The following DENND2A variants were observed in gnomAD, a reference collection of about 807,000 sequenced individuals.
DENND2A encodes the protein DENN domain-containing protein 2A.
A neutral mutation model predicts 105.3 loss-of-function variants in DENND2A; 53 were observed. The observed-to-expected ratio is 0.50, with a 90% CI of 0.40 to 0.63. The LOEUF is 0.63. DENND2A is among the 30% of genes least tolerant of loss of function. The pLI, the probability that DENND2A is intolerant of heterozygous loss-of-function variation, is 0.00. For synonymous variants in DENND2A, 522 were observed against 508.4 expected, an observed-to-expected ratio of 1.03 and a Z score of -0.36; for missense variants, 1,138 against 1,279.6, an observed-to-expected ratio of 0.89 and a Z score of 1.69.
intron 1 of DENND2A, among the ~76,000 whole-genome samples, chr7:140,619,866 G>A (rs1239396938): frequency 6.6e-6 from 1 of 151,878 alleles, no homozygotes; most frequent in Non-Finnish European, 1.5e-5. Context: ...TGTATGGCAT[G>A]TGAATTATAT....
At chr7:140,562,873 A>G (rs1407163040) in intron 9 of DENND2A, among the ~76,000 whole-genome samples, 1 of 152,164 alleles carries the variant, frequency 6.6e-6, no homozygotes, top group Non-Finnish European at 1.5e-5. Context: ...TTTTCTATAT[A>G]ACAGTTCTCT....
At chr7:140,621,261 C>T (rs1800281162) in intron 1 of DENND2A, among the ~76,000 whole-genome samples, 1 of 152,142 alleles carries the variant, frequency 6.6e-6, no homozygotes, top group Admixed American at 6.5e-5. Context: ...TCTTGAACTC[C>T]TGGCCTCAAG....
chr7:140,578,253 G>A (rs1798390261), intron 5 of DENND2A, among the ~76,000 whole-genome samples: 1 of 152,150 alleles, frequency 6.6e-6, no homozygotes, highest in African/African-American at 2.4e-5. Context: ...TGGCAAGGAA[G>A]CTGTGTGCCC....
intron 9 of DENND2A, among the ~76,000 whole-genome samples, chr7:140,560,390 G>A (rs1474864169): frequency 6.6e-6 from 1 of 152,176 alleles, no homozygotes; most frequent in African/African-American, 2.4e-5. Flanking sequence ...GAAGTGATGT[G>A]TCCTGGTCAC....
rs1797518067 is a variant in DENND2A, at chr7:140,559,301, G to C, written c.1889+407C>G. Among the ~76,000 whole-genome samples the C allele has an allele frequency of 6.6e-6, 1 of 152,164 alleles. No homozygotes were observed. Among genetic ancestry groups the C allele is most frequent in the African/African-American group, 2.4e-5 (1 of 41,434 alleles). ...AGCCTACTGAGTTTGGCCAAATGCG[G>C]AAACATCTGATAATAAAAACACTGG... On this transcript the variant is annotated intron_variant, in intron 10 of 19. Transcript: ENST00000496613. This position sits in a 1 kb window ranked among gnomAD's most constrained non-coding sequence, Gnocchi z 4.1.
At chr7:140,578,575 T>C (rs1333462547) in intron 5 of DENND2A, among the ~76,000 whole-genome samples, 1 of 152,134 alleles carries the variant, frequency 6.6e-6, no homozygotes, top group Admixed American at 6.5e-5. Flanking sequence ...TCTCTAAATA[T>C]ATATACAGAG....
chr7:140,519,448 C>T lies in DENND2A; in HGVS notation c.2998+184G>A, dbSNP rs188768687. On this transcript the variant is annotated intron_variant, in intron 19 of 19. Coordinates refer to ENST00000496613, the MANE Select transcript of DENND2A (RefSeq NM_015689.5). Reference sequence around the variant, plus strand: ...AAAGGAGGTGCTGGGGGCAGCGTTTCCTTTGTTTTCTCTTTGGGGACAGAT... The same window carrying T: ...AAAGGAGGTGCTGGGGGCAGCGTTTTCTTTGTTTTCTCTTTGGGGACAGAT... Among the ~76,000 whole-genome samples, 3 of 152,290 alleles carry T rather than the reference C, an allele frequency of 2.0e-5. No homozygotes were observed. In the East Asian group the frequency reaches 5.8e-4, roughly 29 times the overall value.
Position 140,567,152 on chromosome 7 carries a change from C to T in DENND2A, c.1713G>A (p.Val571=). Residue 571 remains valine (V), a synonymous_variant, in exon 9 of 20, where the codon GTG becomes GTA. Transcript: ENST00000496613. The stretch of plus-strand genomic sequence containing the variant: ...CCCCGGCCTGCTTCTTGTGCAAAGA[C>T]ACAACCACAAAGTACTCGAAGAGCT... ...ERQLFEYFVV[V]SLHKKQAGAA... is the part of the protein sequence containing the mutation. The T allele has an allele frequency of 6.2e-7, 1 of 1,612,982 alleles. No homozygotes were observed. Among genetic ancestry groups the T allele is most frequent in the African/African-American group, 1.3e-5 (1 of 75,008 alleles).
chr7:140,550,176 T>C (rs561131486), intron 12 of DENND2A, among the ~76,000 whole-genome samples: 2 of 152,078 alleles, frequency 1.3e-5, no homozygotes, highest in Admixed American at 6.6e-5. Context: ...TGGGAAGCTA[T>C]TGTTTAATGG....
chr7:140,528,329 G>A (rs1796136276), intron 14 of DENND2A, among the ~76,000 whole-genome samples: 1 of 152,178 alleles, frequency 6.6e-6, no homozygotes, highest in Non-Finnish European at 1.5e-5. Flanking sequence ...TCTTTCAGCT[G>A]AGCATGAACA....
In DENND2A at chr7:140,587,731, T is replaced by C; in HGVS notation, c.1045A>G (p.Arg349Gly). Residue 349 changes from arginine (R) to glycine (G), a missense_variant, in exon 4 of 20, where the codon AGG (arginine) becomes GGG (glycine). Coordinates refer to ENST00000496613, the MANE Select transcript of DENND2A (RefSeq NM_015689.5). ...DLLQSSSESS[R>G]VDWYAQTKLG... ...TTAGTCTGCGCGTACCAGTCCACCC[T>C]GCTGCTCTCAGAGGAAGACTGCAGT... is the stretch of plus-strand genomic sequence containing the variant. The C allele has an allele frequency of 1.2e-6, 2 of 1,610,926 alleles. No individual in the cohort carries two copies. Among genetic ancestry groups the C allele is most frequent in the African/African-American group, 1.3e-5 (1 of 74,954 alleles).
In DENND2A at chr7:140,567,151, A is replaced by T. The variant is rs1585649619; in HGVS notation, c.1714T>A (p.Ser572Thr). Reference protein sequence around the residue: ...RQLFEYFVVVSLHKKQAGAAY... With the variant: ...RQLFEYFVVVTLHKKQAGAAY... ...GCCCCGGCCTGCTTCTTGTGCAAAGACACAACCACAAAGTACTCGAAGAGC... is the reference window on the plus strand; with the variant it reads ...GCCCCGGCCTGCTTCTTGTGCAAAGTCACAACCACAAAGTACTCGAAGAGC... Residue 572 changes from serine (S) to threonine (T), a missense_variant, in exon 9 of 20, where the codon TCT becomes ACT. Ser to Thr is a moderately conservative substitution (Grantham distance 58). Transcript: ENST00000496613. 1 of 1,612,868 alleles carries T rather than the reference A, an allele frequency of 6.2e-7. No individual in the cohort carries two copies. The highest frequency in any genetic ancestry group is 1.3e-5 in the African/African-American group (1 of 74,970).
intron 14 of DENND2A, among the ~76,000 whole-genome samples, chr7:140,534,210 G>A (rs1241117513): frequency 2.7e-5 from 4 of 148,650 alleles, no homozygotes; most frequent in Non-Finnish European, 5.9e-5. Flanking sequence ...TCAGCCTCCC[G>A]AGTTGCTGGG....
chr7:140,582,402 T>C (rs572187777), intron 5 of DENND2A, among the ~76,000 whole-genome samples: 1 of 152,326 alleles, frequency 6.6e-6, no homozygotes, highest in South Asian at 2.1e-4. Context: ...TTCTCTGCCA[T>C]GGGAAATGAA....
intron 1 of DENND2A, among the ~76,000 whole-genome samples, chr7:140,613,117 GA>G (rs1232971372): frequency 3.3e-4 from 46 of 140,738 alleles, no homozygotes; most frequent in South Asian, 6.7e-4. Context: ...TCTGTCTCAA[GA>G]AAAAAAAAAA....
chr7:140,577,091 GT>G (rs1798329241), intron 5 of DENND2A, among the ~76,000 whole-genome samples: 1 of 152,206 alleles, frequency 6.6e-6, no homozygotes, highest in Non-Finnish European at 1.5e-5. Context: ...ATCCTGATGT[GT>G]TCCAGGGCAC....
rs377367999 is a variant in DENND2A, at chr7:140,573,747, G to A, written c.1446+61C>T. The A allele has an allele frequency of 5.1e-6, 8 of 1,562,194 alleles. No homozygotes were observed. The African/African-American group carries it at 9.5e-5, about 19-fold the overall frequency. On this transcript the variant is annotated intron_variant, in intron 6 of 19. Transcript: ENST00000496613. ...TATTCTCCACCCAGACCCCTCTGCA[G>A]TCTTCTTTCACAGAGAAGGGGTCAT...
intron 12 of DENND2A, among the ~76,000 whole-genome samples, chr7:140,553,421 C>T (rs1176948895): frequency 6.6e-6 from 1 of 152,188 alleles, no homozygotes; most frequent in African/African-American, 2.4e-5. Flanking sequence ...TATACCGAGA[C>T]ATTCCATTGC....
chr7:140,601,714 G>T lies in DENND2A; in HGVS notation c.684C>A (p.Thr228=), dbSNP rs1315226113. 1 of 1,613,910 alleles carries T rather than the reference G, an allele frequency of 6.2e-7. No individual in the cohort carries two copies. The highest frequency in any genetic ancestry group is 1.3e-5 in the African/African-American group (1 of 74,870). ...HPSDLEGREP[T]PELVEDRKGS... ...CTTTCCTGTCCTCCACAAGCTCAGG[G>T]GTGGGCTCCCTGCCTTCCAGGTCCG... The change falls in exon 3 of 20, where the codon ACC becomes ACA. Residue 228 remains threonine (T), a synonymous_variant. Coordinates refer to ENST00000496613, the MANE Select transcript of DENND2A (RefSeq NM_015689.5).
Sources: allele counts gnomAD v4.1 joint callset (sites outside exome capture counted in the v4.1 genomes callset), GRCh38; gene constraint gnomAD v4.1.1; non-coding constraint Gnocchi (gnomAD v3.1); transcripts MANE v1.5; gene names NCBI Gene and HGNC (gene_info 2026-07-23, HGNC 2026-07-21).